The following CTNNA3 variants were observed in gnomAD, a reference collection of about 807,000 sequenced individuals.
CTNNA3 encodes catenin alpha-3.
Under a neutral mutation model 95.7 loss-of-function variants are expected in CTNNA3, and 76 were observed. The observed-to-expected ratio is 0.79, with a 90% confidence interval of 0.66 to 0.96. The LOEUF (loss-of-function observed/expected upper bound fraction) is 0.96. CTNNA3 is among the 40% of genes least tolerant of loss of function. CTNNA3 has a pLI of 0.00. For missense variants in CTNNA3, 1,191 were observed against 1,089.8 expected (o/e 1.09, Z -1.31); for synonymous variants, 431 against 374.4 (o/e 1.15, Z -1.74).
At chr10:67,754,176 G>C (rs1262853539) in intron 1 of CTNNA3, among the ~76,000 whole-genome samples, 2 of 152,112 alleles carry the variant, frequency 1.3e-5, no homozygotes, top group Non-Finnish European at 2.9e-5. Context: ...GAGATGGATG[G>C]AGCTAGAAGC....
At chr10:66,346,242 TATATAGAGAGAGAG>T (rs1317257738) in intron 12 of CTNNA3, among the ~76,000 whole-genome samples, 10 of 8,866 alleles carry the variant, frequency 1.1e-3, no homozygotes, top group Non-Finnish European at 1.6e-3. Context: ...TATATATATA[TATATAGAGAGAGAG>T]AGAGAGAGAG....
intron 13 of CTNNA3, among the ~76,000 whole-genome samples, chr10:66,182,783 A>C (rs1051623446): frequency 2.0e-5 from 3 of 152,326 alleles, no homozygotes; most frequent in African/African-American, 4.8e-5. Flanking sequence ...CAAAATGTCC[A>C]TCCTCGTGAA....
intron 12 of CTNNA3, among the ~76,000 whole-genome samples, chr10:66,301,568 G>A (rs1197544746): frequency 1.3e-5 from 2 of 151,646 alleles, no homozygotes; most frequent in African/African-American, 2.4e-5. Flanking sequence ...ACCTGATTCA[G>A]CCTTCAAAAA....
chr10:66,304,958 A>G (rs1347146636), intron 12 of CTNNA3, among the ~76,000 whole-genome samples: 4 of 152,142 alleles, frequency 2.6e-5, no homozygotes, highest in Non-Finnish European at 5.9e-5. Context: ...AAGGTTCAAA[A>G]CAAAAAATTT....
At chr10:66,910,700 A>G (rs1054000272) in intron 7 of CTNNA3, among the ~76,000 whole-genome samples, 1 of 152,254 alleles carries the variant, frequency 6.6e-6, no homozygotes, top group African/African-American at 2.4e-5. Context: ...GGTGAACACA[A>G]GACAGGTGAC....
intron 5 of CTNNA3, among the ~76,000 whole-genome samples, chr10:67,225,196 C>T (rs1009705870): frequency 2.0e-5 from 3 of 152,120 alleles, no homozygotes; most frequent in African/African-American, 4.8e-5. Flanking sequence ...CTCACTCCCA[C>T]CCCCTACAGC....
At chr10:65,937,154 G>C (rs894020720) in intron 17 of CTNNA3, among the ~76,000 whole-genome samples, 2 of 151,852 alleles carry the variant, frequency 1.3e-5, no homozygotes, top group Non-Finnish European at 2.9e-5. Context: ...CCCCTTCTTT[G>C]ACTTTACATC....
intron 7 of CTNNA3, among the ~76,000 whole-genome samples, chr10:66,905,802 G>A (rs1589404861): frequency 6.6e-6 from 1 of 152,154 alleles, no homozygotes; most frequent in African/African-American, 2.4e-5. Flanking sequence ...AATTCACAGA[G>A]AGTAAATGGT....
At chr10:66,720,440 C>T (rs770593051) in intron 9 of CTNNA3, among the ~76,000 whole-genome samples, 17 of 152,212 alleles carry the variant, frequency 1.1e-4, no homozygotes, top group Non-Finnish European at 1.9e-4. Context: ...GCAGGTTTGG[C>T]TGGTCCTGGA....
chr10:66,193,828 G>A (rs75503184), intron 13 of CTNNA3, among the ~76,000 whole-genome samples: 1 of 152,096 alleles, frequency 6.6e-6, no homozygotes, highest in African/African-American at 2.4e-5. Flanking sequence ...CATAGCTCTT[G>A]TGAGTGCATA....
At chr10:66,285,703 G>A (rs1288230125) in intron 12 of CTNNA3, among the ~76,000 whole-genome samples, 1 of 150,638 alleles carries the variant, frequency 6.6e-6, no homozygotes, top group Non-Finnish European at 1.5e-5. Flanking sequence ...TTTTTAAATT[G>A]CTTGGTTTTC....
chr10:66,837,688 C>T (rs1264333652), intron 7 of CTNNA3: 4 of 152,088 alleles, frequency 2.6e-5, no homozygotes, highest in Non-Finnish European at 4.4e-5. Flanking sequence ...GTCAGCAGCC[C>T]ACATTAAGCT....
chr10:67,500,398 T>A (rs1398993989), intron 5 of CTNNA3, among the ~76,000 whole-genome samples: 1 of 152,264 alleles, frequency 6.6e-6, no homozygotes, highest in East Asian at 1.9e-4. Flanking sequence ...GAGAAGAATG[T>A]ACATTCTGTT....
chr10:66,942,959 G>A (rs1848088816), intron 7 of CTNNA3, among the ~76,000 whole-genome samples: 1 of 152,170 alleles, frequency 6.6e-6, no homozygotes, highest in Non-Finnish European at 1.5e-5. Context: ...CACCTATAAT[G>A]TGCAGGCACA....
chr10:66,540,288 C>T (rs906320364), intron 10 of CTNNA3, among the ~76,000 whole-genome samples: 2 of 152,130 alleles, frequency 1.3e-5, no homozygotes, highest in Non-Finnish European at 1.5e-5. Context: ...GGAACAGTCT[C>T]ACTTGAAATA....
intron 12 of CTNNA3, among the ~76,000 whole-genome samples, chr10:66,324,817 T>C (rs1191812779): frequency 2.0e-5 from 3 of 151,972 alleles, no homozygotes; most frequent in Admixed American, 1.3e-4. Flanking sequence ...AAACTGGATA[T>C]GGAGATTCAA....
chr10:67,553,290 T>G (rs1841099053), intron 3 of CTNNA3, among the ~76,000 whole-genome samples: 1 of 152,074 alleles, frequency 6.6e-6, no homozygotes, highest in South Asian at 2.1e-4. Context: ...AATAATATAT[T>G]ATGTACAAAA....
chr10:67,629,961 A>C (rs1408449579), intron 2 of CTNNA3, among the ~76,000 whole-genome samples: 1 of 152,168 alleles, frequency 6.6e-6, no homozygotes, highest in Non-Finnish European at 1.5e-5. Flanking sequence ...TAAATCTCAG[A>C]ATATAGTCAA....
intron 13 of CTNNA3, among the ~76,000 whole-genome samples, chr10:66,241,649 C>T (rs1467320901): frequency 6.7e-6 from 1 of 148,892 alleles, no homozygotes; most frequent in Non-Finnish European, 1.5e-5. Context: ...AGCCCCCCCA[C>T]CTCCTCACGT....
Sources: allele counts gnomAD v4.1 joint callset (sites outside exome capture counted in the v4.1 genomes callset), GRCh38; gene constraint gnomAD v4.1.1; transcripts MANE v1.5; gene names NCBI Gene and HGNC (gene_info 2026-07-23, HGNC 2026-07-21).